The following CDHR1 variants were observed in gnomAD, a reference collection of about 807,000 sequenced individuals.
The protein encoded by CDHR1 is cadherin-related family member 1.
In CDHR1, 61 loss-of-function variants were observed where a neutral mutation model predicts 72.1. The ratio of observed to expected loss-of-function variants is 0.85; its 90% CI spans 0.69 to 1.05. The LOEUF (loss-of-function observed/expected upper bound fraction) is 1.05, where lower values mean the gene tolerates loss of function less well. Among genes scored for constraint, CDHR1 ranks in the 50% least tolerant of loss-of-function variants. The pLI is 0.00. For synonymous variants in CDHR1, 470 were observed against 448.1 expected, an observed-to-expected ratio of 1.05 and a Z score of -0.62; for missense variants, 1,186 against 1,115.7, an observed-to-expected ratio of 1.06 and a Z score of -0.90.
At position 84,218,270 on chromosome 10, in the gene CDHR1, T is replaced by C; in HGVS notation, c.*3649T>C. 1.0e-6 allele frequency: 1 copy of C among 985,392 alleles called. No homozygotes were observed. Among genetic ancestry groups the C allele is most frequent in the South Asian group, 4.7e-5 (1 of 21,276 alleles). 61.0% of individuals were successfully genotyped at this position (985,392 alleles called of 1,614,324 possible). ...GGGCCTAGTTTCCAGAATGAGGCGGTCATGGCTTAAGCGACCATCATTTGA... is the reference window on the plus strand; with the variant it reads ...GGGCCTAGTTTCCAGAATGAGGCGGCCATGGCTTAAGCGACCATCATTTGA... On this transcript the variant is annotated 3_prime_UTR_variant, in exon 17 of 17. Coordinates refer to ENST00000623527, the MANE Select transcript of CDHR1 (RefSeq NM_033100.4).
chr10:84,217,503 C>G lies in CDHR1; in HGVS notation c.*2882C>G. 1.0e-5 allele frequency: 10 copies of G among 976,168 alleles called. No homozygotes were observed. The highest frequency in any genetic ancestry group is 1.2e-5 in the Non-Finnish European group (10 of 821,506). 60.5% of individuals were successfully genotyped at this position (976,168 alleles called of 1,614,324 possible). ...TTAATTGTGACTTTGGGCAAGAGGT[C>G]AAGTCTCTCTGGGCCTCACTTTCCT... On this transcript the variant is annotated 3_prime_UTR_variant, in exon 17 of 17. Transcript: ENST00000623527.
chr10:84,214,456 C>G lies in CDHR1; in HGVS notation c.2415C>G (p.Gly805=). Residue 805 remains glycine (G), a synonymous_variant, in exon 17 of 17, where the codon GGC becomes GGG. Transcript: ENST00000623527. ...CACCCAGCGTGGCGCCCAGCACTGG[C>G]GCAGCCCAGTGGACCGTGCCTACTG... The part of the protein sequence containing the change: ...PPPPSVAPST[G]AAQWTVPTVS... 6.2e-7 allele frequency: 1 copy of G among 1,611,888 alleles called. No homozygotes were observed. The highest frequency in any genetic ancestry group is 1.1e-5 in the South Asian group (1 of 91,076).
Position 84,215,010 on chromosome 10 carries a change from G to A in CDHR1, c.*389G>A. ...TCATCATCCTTAGTCAAGCAGCAGG[G>A]CCCTGGCCACGTGGAGCAACACTGA... On this transcript the variant is annotated 3_prime_UTR_variant, in exon 17 of 17. Transcript: ENST00000623527. 2.6e-6 allele frequency: 3 copies of A among 1,140,234 alleles called. No individual in the cohort carries two copies. The highest frequency in any genetic ancestry group is 3.3e-6 in the Non-Finnish European group (3 of 921,836). The allele number at this position is 1,140,234 out of a possible 1,614,324, so 70.6% of individuals were successfully genotyped here. A position where few individuals can be genotyped will look rare whatever the true frequency, so the allele number is the denominator to read the frequency against.
In CDHR1 at chr10:84,204,540, T is replaced by C. The variant is rs746817205; in HGVS notation, c.797T>C (p.Leu266Pro). 3.1e-6 allele frequency: 5 copies of C among 1,612,962 alleles called. No individual in the cohort carries two copies. The East Asian group carries it at 1.1e-4, about 36-fold the overall frequency. The change falls in exon 9 of 17, where the codon CTG becomes CCG. Residue 266 changes from leucine (L) to proline (P), a missense_variant. Transcript: ENST00000623527. The part of the protein sequence containing the change: ...YEDTLPGSEV[L>P]KVVAMDGDRG... ...TGTTTCCCCGAGGGCTCGGAGGTAC[T>C]GAAGGTGGTCGCCATGGATGGAGAC...
chr10:84,196,768 C>G, intron 3 of CDHR1, 118 bp downstream of exon 3: 6 of 1,189,296 alleles, frequency 5.0e-6, no homozygotes, highest in Non-Finnish European at 7.5e-6. Context: ...GATGAGGGGG[C>G]ACACCCCAGG....
At position 84,194,651 on chromosome 10, in the gene CDHR1, T is replaced by G; in HGVS notation, c.-110T>G. On this transcript the variant is annotated 5_prime_UTR_variant, in exon 1 of 17. Coordinates refer to ENST00000623527, the MANE Select transcript of CDHR1 (RefSeq NM_033100.4). ...GTGCCCCCTCCCGCCGCGGCTGCAGTCGCCGCTACCCCCATTGTGGTCTCT... is the reference window on the plus strand; with the variant it reads ...GTGCCCCCTCCCGCCGCGGCTGCAGGCGCCGCTACCCCCATTGTGGTCTCT... The G allele has an allele frequency of 2.6e-6, 2 of 758,148 alleles. No individual in the cohort carries two copies. Among genetic ancestry groups the G allele is most frequent in the Non-Finnish European group, 3.7e-6 (2 of 536,456 alleles). The allele number at this position is 758,148 out of a possible 1,614,324, so 47.0% of individuals were successfully genotyped here. A position where few individuals can be genotyped will look rare whatever the true frequency, so the allele number is the denominator to read the frequency against.
Position 84,215,111 on chromosome 10 carries a change from G to A in CDHR1, c.*490G>A. On this transcript the variant is annotated 3_prime_UTR_variant, in exon 17 of 17. Coordinates refer to ENST00000623527, the MANE Select transcript of CDHR1 (RefSeq NM_033100.4). The stretch of plus-strand genomic sequence containing the variant: ...AGGCTCAGCACTGTCTCAGGCTGGA[G>A]GTCAGCGAACCTCGTGGGCTGTAGG... 1.9e-6 allele frequency: 2 copies of A among 1,027,242 alleles called. No individual in the cohort carries two copies. Among genetic ancestry groups the A allele is most frequent in the South Asian group, 3.8e-5 (1 of 26,464 alleles). 63.6% of individuals were successfully genotyped at this position (1,027,242 alleles called of 1,614,324 possible). A position where few individuals can be genotyped will look rare whatever the true frequency, so the allele number is the denominator to read the frequency against.
chr10:84,201,172 TC>T (rs1380868631), intron 6 of CDHR1, among the ~76,000 whole-genome samples: 2 of 152,170 alleles, frequency 1.3e-5, no homozygotes, highest in Non-Finnish European at 2.9e-5. Context: ...CTCAGTTTCC[TC>T]ATGTATCACA....
chr10:84,212,809 T>G (rs1260479607), intron 15 of CDHR1: 1 of 560,818 alleles, frequency 1.8e-6, no homozygotes, highest in Non-Finnish European at 3.2e-6. Flanking sequence ...AAAGCCACTT[T>G]GCATCTAAGC....
At position 84,201,809 on chromosome 10, in the gene CDHR1, C is replaced by A; in HGVS notation, c.528C>A (p.Asn176Lys). The part of the protein sequence containing the change: ...SGGSVTYFLQ[N>K]LHSPFAVDRH... ...CAGCTGCCCCCTAATTCTTATAGAACCTGCACTCCCCATTTGCCGTGGACC... is the reference window on the plus strand; with the variant it reads ...CAGCTGCCCCCTAATTCTTATAGAAACTGCACTCCCCATTTGCCGTGGACC... Residue 176 changes from asparagine (N) to lysine (K), a missense_variant and splice_region_variant, in exon 7 of 17, where the codon AAC becomes AAA. Transcript: ENST00000623527. 2 of 1,609,934 alleles carry A rather than the reference C, an allele frequency of 1.2e-6. No homozygotes were observed. Among genetic ancestry groups the A allele is most frequent in the South Asian group, 1.1e-5 (1 of 91,076 alleles).
At chr10:84,208,579 C>G (rs1842272498) in intron 11 of CDHR1, 150 bp from the exon 12 acceptor site, 1 of 987,670 alleles carries the variant, frequency 1.0e-6, no homozygotes, top group African/African-American at 1.6e-5. Context: ...CCTAAAGGCA[C>G]TCACAGTCCA....
At chr10:84,200,354 C>T (rs1047770967) in intron 5 of CDHR1, among the ~76,000 whole-genome samples, 2 of 151,920 alleles carry the variant, frequency 1.3e-5, no homozygotes, top group East Asian at 1.9e-4. Flanking sequence ...TTTTTTTCTT[C>T]TCCCTCTCTC....
Position 84,215,159 on chromosome 10 carries a change from G to GGC in CDHR1, c.*538_*539insGC. 1 of 1,013,390 alleles carries GGC rather than the reference G, an allele frequency of 9.9e-7. No homozygotes were observed. The highest frequency in any genetic ancestry group is 1.2e-6 in the Non-Finnish European group (1 of 846,478). The allele number at this position is 1,013,390 out of a possible 1,614,324, so 62.8% of individuals were successfully genotyped here. ...AGGAAAGCAAATGTAGGTAAGGGGA[G>GGC]AGCAAGGATGCACAGAAAACACACT... is the stretch of plus-strand genomic sequence containing the variant. On this transcript the variant is annotated 3_prime_UTR_variant, in exon 17 of 17. Coordinates refer to ENST00000623527, the MANE Select transcript of CDHR1 (RefSeq NM_033100.4).
At chr10:84,206,714 T>G (rs1378714913) in intron 10 of CDHR1, among the ~76,000 whole-genome samples, 1 of 152,152 alleles carries the variant, frequency 6.6e-6, no homozygotes, top group African/African-American at 2.4e-5. Context: ...AGGAATTCAG[T>G]GTGTTTGGGG....
chr10:84,217,413 A>G lies in CDHR1; in HGVS notation c.*2792A>G, dbSNP rs1211650686. ...TCCTGCGGCTGAGCTCAGATCTTCC[A>G]ATCACGTGAAATAACAAAGTCCTTT... On this transcript the variant is annotated 3_prime_UTR_variant, in exon 17 of 17. Transcript: ENST00000623527. The G allele has an allele frequency of 5.1e-6, 5 of 985,460 alleles. No individual in the cohort carries two copies. The highest frequency in any genetic ancestry group is 5.2e-4 in the Middle Eastern group (1 of 1,916). 61.0% of individuals were successfully genotyped at this position (985,460 alleles called of 1,614,324 possible).
rs867330863 is a variant in CDHR1, at chr10:84,208,257, C to T, written c.1047C>T (p.His349=). The change falls in exon 11 of 17, where the codon CAC becomes CAT. Residue 349 remains histidine, a synonymous_variant. Coordinates refer to ENST00000623527, the MANE Select transcript of CDHR1 (RefSeq NM_033100.4). ...TCAGGATTGTGGACCTCAACAACCACCCGCCAACATTCTATGGAGAGAGCG... is the reference window on the plus strand; with the variant it reads ...TCAGGATTGTGGACCTCAACAACCATCCGCCAACATTCTATGGAGAGAGCG... ...VTIRIVDLNN[H]PPTFYGESGP... 1 of 1,614,186 alleles carries T rather than the reference C, an allele frequency of 6.2e-7. No individual in the cohort carries two copies. Among genetic ancestry groups the T allele is most frequent in the Middle Eastern group, 1.6e-4 (1 of 6,062 alleles).
intron 3 of CDHR1, 82 bp downstream of exon 3, chr10:84,196,732 G>T (rs766434382): frequency 3.3e-6 from 5 of 1,504,388 alleles, no homozygotes; most frequent in Non-Finnish European, 4.6e-6. Context: ...GGAGCACATT[G>T]GTTAGAACCT....
chr10:84,219,531 G>T (rs973389938), downstream of CDHR1: 2 of 458,138 alleles, frequency 4.4e-6, no homozygotes, highest in East Asian at 3.3e-5. Context: ...ATTTCATGAT[G>T]GTGACACCCT....
At chr10:84,203,684 G>A (rs1418434877) in intron 8 of CDHR1, among the ~76,000 whole-genome samples, 4 of 152,222 alleles carry the variant, frequency 2.6e-5, no homozygotes, top group Non-Finnish European at 4.4e-5. Flanking sequence ...CGAAAGTGCT[G>A]AGATTACAGG....
Sources: allele counts gnomAD v4.1 joint callset (sites outside exome capture counted in the v4.1 genomes callset), GRCh38; gene constraint gnomAD v4.1.1; transcripts MANE v1.5; gene names NCBI Gene and HGNC (gene_info 2026-07-23, HGNC 2026-07-21).